Variants in OSBPL8 observed in about 807,000 individuals in gnomAD.
OSBPL8 encodes the protein oxysterol binding protein like 8.
Under a neutral mutation model 125.5 loss-of-function variants are expected in OSBPL8, and 59 were observed. The observed-to-expected ratio is 0.47, with a 90% CI of 0.38 to 0.58. The LOEUF (loss-of-function observed/expected upper bound fraction) is 0.58, where lower values mean the gene tolerates loss of function less well. Ranked by LOEUF, OSBPL8 falls within the 20% of genes least tolerant of loss-of-function variation. OSBPL8 has a pLI of 0.00. For missense variants in OSBPL8, 758 were observed against 1,047.8 expected (o/e 0.72, Z 3.82); for synonymous variants, 330 against 338.9 (o/e 0.97, Z 0.29).
At chr12:76,418,764 C>CG (rs765895070) in intron 4 of OSBPL8, among the ~76,000 whole-genome samples, 13 of 151,896 alleles carry the variant, frequency 8.6e-5, no homozygotes, top group Non-Finnish European at 1.8e-4. Context: ...CCCCAGGAGG[C>CG]GGAGGTTGCT....
chr12:76,355,817 C>G lies in OSBPL8; in HGVS notation c.*72G>C, dbSNP rs543544015. 3,760 of 1,505,368 alleles carry G rather than the reference C, an allele frequency of 2.5e-3. 7 individuals are homozygous for G. Among genetic ancestry groups the G allele is most frequent in the Non-Finnish European group, 3.2e-3 (3,541 of 1,119,430 alleles). The allele number at this position is 1,505,368 out of a possible 1,614,324, so 93.3% of individuals were successfully genotyped here. A position where few individuals can be genotyped will look rare whatever the true frequency, so the allele number is the denominator to read the frequency against. Reference sequence around the variant, plus strand: ...GAATATTGTGATTTTTAATAAAGACCAAACCAACTTGAACACTGGTCCCAG... The same window carrying G: ...GAATATTGTGATTTTTAATAAAGACGAAACCAACTTGAACACTGGTCCCAG... On this transcript the variant is annotated 3_prime_UTR_variant, in exon 24 of 24. Transcript: ENST00000261183.
intron 21 of OSBPL8, 118 bp downstream of exon 21, chr12:76,369,096 C>G (rs1952522657): frequency 1.5e-6 from 2 of 1,322,668 alleles, no homozygotes; most frequent in Admixed American, 5.8e-5. Flanking sequence ...GAGTTCAGAG[C>G]TGCGTATTTT....
chr12:76,448,825 C>T (rs1017497264), intron 4 of OSBPL8, among the ~76,000 whole-genome samples: 5 of 152,056 alleles, frequency 3.3e-5, no homozygotes, highest in African/African-American at 9.7e-5. Flanking sequence ...CCATCCTGGC[C>T]AACACGGTGA....
At position 76,373,332 on chromosome 12, in the gene OSBPL8, CA is replaced by C; in HGVS notation, c.1917+11del. On this transcript the variant is annotated intron_variant, in intron 18 of 23. Coordinates refer to ENST00000261183, the MANE Select transcript of OSBPL8 (RefSeq NM_020841.5). ...AAATTCTTTTTGTAAAGCTCATATA[CA>C]AAATACTTACCCAATGACCTTCCAA... 1 of 1,534,044 alleles carries C rather than the reference CA, an allele frequency of 6.5e-7. No individual in the cohort carries two copies.
chr12:76,550,384 C>A (rs1950901751), intron 1 of OSBPL8, among the ~76,000 whole-genome samples: 1 of 152,158 alleles, frequency 6.6e-6, no homozygotes, highest in Non-Finnish European at 1.5e-5. Flanking sequence ...ATAATACTTA[C>A]ACAGTCATGG....
intron 1 of OSBPL8, among the ~76,000 whole-genome samples, chr12:76,492,721 T>G (rs143083988): frequency 6.6e-6 from 1 of 152,178 alleles, no homozygotes; most frequent in African/African-American, 2.4e-5. Context: ...ACCCTCAAGA[T>G]GGACCATCTA....
chr12:76,407,435 G>T (rs1954313678), intron 5 of OSBPL8, among the ~76,000 whole-genome samples: 1 of 152,094 alleles, frequency 6.6e-6, no homozygotes, highest in South Asian at 2.1e-4. Context: ...ATTTTTTGTA[G>T]AGACAGGGTC....
chr12:76,406,563 C>T (rs951711638), intron 5 of OSBPL8, among the ~76,000 whole-genome samples: 3 of 152,132 alleles, frequency 2.0e-5, no homozygotes, highest in African/African-American at 7.2e-5. Flanking sequence ...ACCGACTTTT[C>T]CAATTCACTC....
At chr12:76,396,693 G>A (rs940019418) in intron 8 of OSBPL8, among the ~76,000 whole-genome samples, 1 of 152,152 alleles carries the variant, frequency 6.6e-6, no homozygotes, top group African/African-American at 2.4e-5. Flanking sequence ...GGTTGAGGCT[G>A]CAGTGAGCAA....
chr12:76,547,302 C>T (rs1592898472), intron 1 of OSBPL8, among the ~76,000 whole-genome samples: 1 of 151,996 alleles, frequency 6.6e-6, no homozygotes, highest in Admixed American at 6.6e-5. Context: ...TTTATTTACC[C>T]AGGTTAATTT....
chr12:76,405,044 G>A (rs1954199874), intron 5 of OSBPL8, among the ~76,000 whole-genome samples: 1 of 152,128 alleles, frequency 6.6e-6, no homozygotes, highest in Non-Finnish European at 1.5e-5. Flanking sequence ...TGGATGAGCT[G>A]GGATTTGTAC....
At chr12:76,517,182 A>G (rs1047393201) in intron 1 of OSBPL8, among the ~76,000 whole-genome samples, 1 of 152,190 alleles carries the variant, frequency 6.6e-6, no homozygotes, top group African/African-American at 2.4e-5. Context: ...ACCAAACTCC[A>G]TATTTATGTA....
intron 1 of OSBPL8, among the ~76,000 whole-genome samples, chr12:76,500,942 A>G (rs1401075827): frequency 1.3e-5 from 2 of 152,194 alleles, no homozygotes; most frequent in Non-Finnish European, 2.9e-5. Flanking sequence ...CAGTTCAGTT[A>G]CTACTGTGTA....
chr12:76,368,779 G>A (rs1036072540), intron 21 of OSBPL8, among the ~76,000 whole-genome samples: 2 of 151,438 alleles, frequency 1.3e-5, no homozygotes, highest in African/African-American at 4.9e-5. Context: ...AGAGATGAGT[G>A]CCTGTGTAAG....
At chr12:76,426,026 C>T (rs1870109580) in intron 4 of OSBPL8, among the ~76,000 whole-genome samples, 1 of 152,126 alleles carries the variant, frequency 6.6e-6, no homozygotes, top group African/African-American at 2.4e-5. Context: ...GTTAAATAAG[C>T]AGGAGGCCAA....
chr12:76,429,633 G>C (rs1360001778), intron 4 of OSBPL8, among the ~76,000 whole-genome samples: 3 of 152,060 alleles, frequency 2.0e-5, no homozygotes, highest in African/African-American at 7.2e-5. Context: ...TAATTTTCAT[G>C]AGTGTTTTTG....
chr12:76,363,250 C>T (rs1952279248), intron 21 of OSBPL8, among the ~76,000 whole-genome samples: 1 of 152,204 alleles, frequency 6.6e-6, no homozygotes, highest in South Asian at 2.1e-4. Flanking sequence ...ACGAACAAAG[C>T]TGGAGGCATC....
At chr12:76,391,861 A>T (rs1056502789) in intron 10 of OSBPL8, among the ~76,000 whole-genome samples, 1 of 151,958 alleles carries the variant, frequency 6.6e-6, no homozygotes, top group Non-Finnish European at 1.5e-5. Flanking sequence ...GAAGAGGAGA[A>T]TAGCAGTCTA....
chr12:76,394,945 T>C (rs1592596180), intron 8 of OSBPL8, among the ~76,000 whole-genome samples: 1 of 152,098 alleles, frequency 6.6e-6, no homozygotes, highest in African/African-American at 2.4e-5. Context: ...ACTGAACAAA[T>C]GAATTATCAC....
Sources: allele counts gnomAD v4.1 joint callset (sites outside exome capture counted in the v4.1 genomes callset), GRCh38; gene constraint gnomAD v4.1.1; transcripts MANE v1.5; gene names NCBI Gene and HGNC (gene_info 2026-07-23, HGNC 2026-07-21).